The following GGT7 variants were observed in gnomAD, a reference collection of about 807,000 sequenced individuals.
The protein encoded by GGT7 is glutathione hydrolase 7.
In GGT7, 30 loss-of-function variants were observed where a neutral mutation model predicts 69.2. The observed-to-expected ratio is 0.43, with a 90% CI of 0.32 to 0.59. The LOEUF (loss-of-function observed/expected upper bound fraction) is 0.59. Ranked by LOEUF, GGT7 falls within the 20% of genes least tolerant of loss-of-function variation. The pLI, the probability that GGT7 is intolerant of heterozygous loss-of-function variation, is 0.05. For missense variants in GGT7, 733 were observed against 901.1 expected, an observed-to-expected ratio of 0.81 and a Z score of 2.39; for synonymous variants, 388 against 391.8, an observed-to-expected ratio of 0.99 and a Z score of 0.12.
At chr20:34,859,359 G>T in intron 7 of GGT7, 84 bp downstream of exon 7, 1 of 1,004,156 alleles carries the variant, frequency 1.0e-6, no homozygotes. Flanking sequence ...AGGGAGGGAG[G>T]GAAGGAAGGA....
In GGT7 at chr20:34,861,457, G is replaced by A; in HGVS notation, c.663C>T (p.Ser221=). 6.4e-7 allele frequency: 1 copy of A among 1,553,390 alleles called. No homozygotes were observed. The highest frequency in any genetic ancestry group is 8.8e-7 in the Non-Finnish European group (1 of 1,138,608). Residue 221 remains serine, a synonymous_variant, in exon 4 of 15, where the codon TCC becomes TCT. Coordinates refer to ENST00000336431, the MANE Select transcript of GGT7 (RefSeq NM_178026.3). The part of the protein sequence containing the change: ...GALREETLQR[S]WETKPGLLVG... ...CCAGGGTCCCCACCTTGGTCTCCCA[G>A]GATCTTTGCAGGGTCTCTTCCCTGA...
chr20:34,871,558 G>C (rs1344475597), intron 1 of GGT7, among the ~76,000 whole-genome samples: 1 of 152,166 alleles, frequency 6.6e-6, no homozygotes, highest in African/African-American at 2.4e-5. Flanking sequence ...ACCCCATACA[G>C]AGTGCAGTCC....
At chr20:34,850,344 G>A (rs566234045) in intron 13 of GGT7, 137 of 568,348 alleles carry the variant, frequency 2.4e-4, no homozygotes, top group Non-Finnish European at 3.9e-4. Flanking sequence ...CTAGCCCGGG[G>A]CTCCCTTCTT....
intron 1 of GGT7, among the ~76,000 whole-genome samples, chr20:34,868,310 G>C (rs1351824413): frequency 6.6e-6 from 1 of 152,190 alleles, no homozygotes; most frequent in Non-Finnish European, 1.5e-5. Context: ...AATATTTACT[G>C]AGTACCTACT....
chr20:34,858,204 G>A (rs2079526711), intron 7 of GGT7, among the ~76,000 whole-genome samples: 1 of 152,222 alleles, frequency 6.6e-6, no homozygotes, highest in Admixed American at 6.5e-5. Context: ...ATAGCTTGCT[G>A]GAAGGATGGC....
Position 34,863,587 on chromosome 20 carries a change from A to C in GGT7, c.170-39T>G. ...GCCGGGGTCGGTCTGGGCATCTCCT[A>C]TCTGGCCCTGCCCACCCTCCAGGTG... On this transcript the variant is annotated intron_variant, in intron 1 of 14. Transcript: ENST00000336431. This position sits in a 1 kb window ranked among gnomAD's most constrained non-coding sequence, Gnocchi z 4.4. 1.5e-6 allele frequency: 2 copies of C among 1,373,878 alleles called. No individual in the cohort carries two copies. Among genetic ancestry groups the C allele is most frequent in the Non-Finnish European group, 2.0e-6 (2 of 986,534 alleles). 85.1% of individuals were successfully genotyped at this position (1,373,878 alleles called of 1,614,324 possible). A position where few individuals can be genotyped will look rare whatever the true frequency, so the allele number is the denominator to read the frequency against.
At chr20:34,856,781 C>A in intron 8 of GGT7, 25 bp downstream of exon 8, 1 of 1,408,432 alleles carries the variant, frequency 7.1e-7, no homozygotes, top group Non-Finnish European at 1.0e-6. Context: ...TGAGGGGGGA[C>A]CCTGGGAGCC....
At chr20:34,869,413 C>A (rs1052989390) in intron 1 of GGT7, among the ~76,000 whole-genome samples, 1 of 152,174 alleles carries the variant, frequency 6.6e-6, no homozygotes. Flanking sequence ...CTCAAGCAAT[C>A]TGCCCACCTT....
intron 1 of GGT7, 61 bp downstream of exon 1, chr20:34,872,586 C>T: frequency 1.7e-6 from 2 of 1,192,568 alleles, no homozygotes; most frequent in South Asian, 2.1e-5. Flanking sequence ...ATGCTTGACA[C>T]AGAAGAAGGA....
intron 8 of GGT7, among the ~76,000 whole-genome samples, chr20:34,855,814 T>TGTGTGTGTGTGTGTGTGTGTGGGA (rs56219337): frequency 6.9e-6 from 1 of 144,518 alleles, no homozygotes; most frequent in African/African-American, 2.7e-5. Flanking sequence ...TGTGTGTGTG[T>TGTGTGTGTGTGTGTGTGTGTGGGA]GATAATGGTC....
At chr20:34,858,781 G>A (rs1034666275) in intron 7 of GGT7, among the ~76,000 whole-genome samples, 3 of 152,162 alleles carry the variant, frequency 2.0e-5, no homozygotes, top group Non-Finnish European at 4.4e-5. Flanking sequence ...AGCTGAGGCC[G>A]ATACTGGGTC....
Position 34,854,452 on chromosome 20 carries a change from A to T in GGT7, c.1319+79T>A, listed in dbSNP as rs1601225168. On this transcript the variant is annotated intron_variant, in intron 10 of 14. Coordinates refer to ENST00000336431, the MANE Select transcript of GGT7 (RefSeq NM_178026.3). ...CTTAGGATTTCAGGCCTTTATTGCT[A>T]TACCAGCTGCTTTTCTCCTGACCCT... 2.1e-5 allele frequency: 17 copies of T among 808,232 alleles called. No individual in the cohort carries two copies. In the East Asian group the frequency reaches 4.4e-4, roughly 21 times the overall value. The allele number at this position is 808,232 out of a possible 1,614,324, so 50.1% of individuals were successfully genotyped here.
Position 34,863,744 on chromosome 20 carries a change from G to A in GGT7, c.170-196C>T, listed in dbSNP as rs1480337546. ...AACGGTGCCCGGCTAGGAAGAGACAGGGACCTCCCCAGCTGGGCAGCAGGG... is the reference window on the plus strand; with the variant it reads ...AACGGTGCCCGGCTAGGAAGAGACAAGGACCTCCCCAGCTGGGCAGCAGGG... On this transcript the variant is annotated intron_variant, in intron 1 of 14. Transcript: ENST00000336431. This position sits in a 1 kb window ranked among gnomAD's most constrained non-coding sequence, Gnocchi z 4.4. 9.8e-6 allele frequency: 7 copies of A among 714,852 alleles called. No homozygotes were observed. Among genetic ancestry groups the A allele is most frequent in the Non-Finnish European group, 1.8e-5 (7 of 384,184 alleles). The allele number at this position is 714,852 out of a possible 1,614,324, so 44.3% of individuals were successfully genotyped here.
Position 34,845,099 on chromosome 20 carries a change from T to C in GGT7, c.*229A>G. 3.7e-6 allele frequency: 2 copies of C among 544,442 alleles called. No individual in the cohort carries two copies. The highest frequency in any genetic ancestry group is 2.2e-5 in the South Asian group (1 of 46,286). The allele number at this position is 544,442 out of a possible 1,614,324, so 33.7% of individuals were successfully genotyped here. ...AGGTCCTGCCTGCCTGGCTGTACTG[T>C]AGATGCTGACACTCACCACCACCAC... On this transcript the variant is annotated 3_prime_UTR_variant, in exon 15 of 15. Transcript: ENST00000336431.
intron 8 of GGT7, among the ~76,000 whole-genome samples, chr20:34,856,564 AG>A (rs1359295124): frequency 6.6e-6 from 1 of 152,218 alleles, no homozygotes; most frequent in Non-Finnish European, 1.5e-5. Context: ...CCCAACTTCC[AG>A]GTTGGACCCT....
chr20:34,863,421 C>T lies in GGT7; in HGVS notation c.297G>A (p.Glu99=), dbSNP rs775264653. The change falls in exon 2 of 15, where the codon GAG becomes GAA. Residue 99 remains glutamate, a synonymous_variant. Transcript: ENST00000336431. The surrounding 1 kb of genome is among the most constrained non-coding windows in gnomAD (Gnocchi z 4.4). ...RKDPFSAAAA[E]CSCRQDGLTV... ...TGAGCCCATCCTGGCGGCAGGAGCA[C>T]TCGGCCGCTGCGGCGGAGAACGGGT... 4.3e-6 allele frequency: 7 copies of T among 1,613,720 alleles called. No homozygotes were observed. The highest frequency in any genetic ancestry group is 5.1e-6 in the Non-Finnish European group (6 of 1,179,962).
In GGT7 at chr20:34,863,847, G is replaced by T. The variant is rs990007678; in HGVS notation, c.170-299C>A. The T allele has an allele frequency of 1.2e-5, 7 of 580,092 alleles. No homozygotes were observed. Among genetic ancestry groups the T allele is most frequent in the Non-Finnish European group, 2.3e-5 (7 of 305,044 alleles). 35.9% of individuals were successfully genotyped at this position (580,092 alleles called of 1,614,324 possible). A position where few individuals can be genotyped will look rare whatever the true frequency, so the allele number is the denominator to read the frequency against. Reference sequence around the variant, plus strand: ...GGGCCCAGGGCTGAGAACACTTCCTGGGGGGTGGGGTGGGGGTTCCAGCCC... The same window carrying T: ...GGGCCCAGGGCTGAGAACACTTCCTTGGGGGTGGGGTGGGGGTTCCAGCCC... On this transcript the variant is annotated intron_variant, in intron 1 of 14. Coordinates refer to ENST00000336431, the MANE Select transcript of GGT7 (RefSeq NM_178026.3). This position sits in a 1 kb window ranked among gnomAD's most constrained non-coding sequence, Gnocchi z 4.4.
chr20:34,855,699 G>A (rs556429299), intron 8 of GGT7, among the ~76,000 whole-genome samples: 1 of 152,276 alleles, frequency 6.6e-6, no homozygotes, highest in Admixed American at 6.5e-5. Context: ...GGCTCAGAGT[G>A]GGAAGTAGCT....
chr20:34,847,850 G>A (rs1017521530), intron 14 of GGT7, among the ~76,000 whole-genome samples: 1 of 152,186 alleles, frequency 6.6e-6, no homozygotes, highest in Admixed American at 6.5e-5. Context: ...CCAGCACTTC[G>A]GGAGGCCGAG....
Sources: gnomAD v4.1 joint callset for allele counts (sites outside exome capture counted in the v4.1 genomes callset) on GRCh38, gnomAD v4.1.1 for gene constraint, Gnocchi (gnomAD v3.1) non-coding constraint, MANE v1.5 for transcripts, NCBI Gene and HGNC (gene_info 2026-07-23, HGNC 2026-07-21) for gene names.